Variants in FRMD3 observed in about 807,000 individuals in gnomAD.
The protein encoded by FRMD3 is FERM domain containing 3.
FRMD3 carries 33 observed loss-of-function variants against 70.2 expected under a neutral mutation model. The ratio of observed to expected loss-of-function variants is 0.47; its 90% CI spans 0.36 to 0.63. The LOEUF (loss-of-function observed/expected upper bound fraction) is 0.63. FRMD3 is among the 20% of genes least tolerant of loss of function. The pLI is 0.00. For synonymous variants in FRMD3, 279 were observed against 255.9 expected (o/e 1.09, Z -0.86); for missense variants, 632 against 711.4 (o/e 0.89, Z 1.27).
chr9:83,463,867 G>T (rs1435444957), intron 1 of FRMD3, among the ~76,000 whole-genome samples: 6 of 152,134 alleles, frequency 3.9e-5, no homozygotes, highest in Non-Finnish European at 5.9e-5. Flanking sequence ...CTTCTGCCAG[G>T]CAGGGCAAGG....
chr9:83,373,949 A>G (rs1456145597), intron 2 of FRMD3, among the ~76,000 whole-genome samples: 1 of 152,186 alleles, frequency 6.6e-6, no homozygotes, highest in African/African-American at 2.4e-5. Flanking sequence ...ATATTCTTTG[A>G]TGTAAATGCA....
chr9:83,462,717 T>G (rs1828009633), intron 1 of FRMD3, among the ~76,000 whole-genome samples: 1 of 152,180 alleles, frequency 6.6e-6, no homozygotes, highest in Non-Finnish European at 1.5e-5. Flanking sequence ...AAGGAAGAGC[T>G]GCCATCTTCC....
At chr9:83,436,607 G>T (rs889870085) in intron 1 of FRMD3, among the ~76,000 whole-genome samples, 1 of 151,860 alleles carries the variant, frequency 6.6e-6, no homozygotes, top group East Asian at 1.9e-4. Context: ...AAACATAAAA[G>T]AGTCATTTCT....
intron 1 of FRMD3, among the ~76,000 whole-genome samples, chr9:83,402,580 G>A (rs1825979265): frequency 1.3e-5 from 2 of 151,930 alleles, no homozygotes; most frequent in South Asian, 4.2e-4. Flanking sequence ...CTCATGCAAG[G>A]CTAATAAGAA....
At chr9:83,373,022 A>G in intron 2 of FRMD3, 67 bp from the exon 3 acceptor site, 1 of 1,283,214 alleles carries the variant, frequency 7.8e-7, no homozygotes, top group Non-Finnish European at 1.1e-6. Flanking sequence ...CGAATACCTA[A>G]TAACTAAAAG....
the FRMD3 span, among the ~76,000 whole-genome samples, chr9:83,549,548 T>C: frequency 6.6e-6 from 1 of 152,206 alleles, no homozygotes. Context: ...ATGGTTAAAC[T>C]AATTTACACT....
intron 1 of FRMD3, among the ~76,000 whole-genome samples, chr9:83,407,231 T>C (rs1297068654): frequency 6.6e-6 from 1 of 152,256 alleles, no homozygotes; most frequent in African/African-American, 2.4e-5. Context: ...ATCAAGTTTT[T>C]CATTGTACTT....
At chr9:83,403,411 G>C (rs1011477811) in intron 1 of FRMD3, among the ~76,000 whole-genome samples, 18 of 152,154 alleles carry the variant, frequency 1.2e-4, no homozygotes, top group African/African-American at 4.1e-4. Context: ...GCTTGAAACT[G>C]CTGGGATAAT....
At chr9:83,402,869 C>G (rs1412291123) in intron 1 of FRMD3, among the ~76,000 whole-genome samples, 1 of 150,014 alleles carries the variant, frequency 6.7e-6, no homozygotes, top group Non-Finnish European at 1.5e-5. Context: ...TGAGATTCTA[C>G]AGAGACTCTC....
chr9:83,550,306 T>C, the FRMD3 span, among the ~76,000 whole-genome samples: 1 of 152,206 alleles, frequency 6.6e-6, no homozygotes, highest in Non-Finnish European at 1.5e-5. Context: ...TTGGTCTATG[T>C]CCCTGTTTTT....
At chr9:83,402,727 T>C (rs1825982983) in intron 1 of FRMD3, among the ~76,000 whole-genome samples, 2 of 151,958 alleles carry the variant, frequency 1.3e-5, no homozygotes, top group Admixed American at 6.6e-5. Context: ...AACAGGTCAG[T>C]AGCAAAAATA....
intron 10 of FRMD3, 96 bp downstream of exon 10, chr9:83,309,440 T>C (rs1587707749): frequency 1.5e-6 from 1 of 685,098 alleles, no homozygotes; most frequent in East Asian, 2.8e-5. Flanking sequence ...CTTTTAAAAC[T>C]GTATTAAAAG....
At chr9:83,569,648 A>G in the FRMD3 span, among the ~76,000 whole-genome samples, 1 of 152,280 alleles carries the variant, frequency 6.6e-6, no homozygotes, top group African/African-American at 2.4e-5. Context: ...GAGGCCAGGC[A>G]TAATATCTTC....
intron 1 of FRMD3, among the ~76,000 whole-genome samples, chr9:83,423,700 G>A (rs1163766272): frequency 1.4e-5 from 2 of 143,654 alleles, no homozygotes; most frequent in East Asian, 2.1e-4. Flanking sequence ...AGGTTCAAGC[G>A]ATTCTCCTGC....
rs1208365837 is a variant in FRMD3 at position 83,244,794 on chromosome 9, C to A, written c.*3124G>T. 1 of 985,122 alleles carries A rather than the reference C, an allele frequency of 1.0e-6. No individual in the cohort carries two copies. Among genetic ancestry groups the A allele is most frequent in the Non-Finnish European group, 1.2e-6 (1 of 829,826 alleles). The allele number at this position is 985,122 out of a possible 1,614,324, so 61.0% of individuals were successfully genotyped here. A position where few individuals can be genotyped will look rare whatever the true frequency, so the allele number is the denominator to read the frequency against. Reference sequence around the variant, plus strand: ...ATGAAATAAACTCATTGTGAATTCACCCCGAGTTGTGTTTATAAATATTAG... The same window carrying A: ...ATGAAATAAACTCATTGTGAATTCAACCCGAGTTGTGTTTATAAATATTAG... On this transcript the variant is annotated 3_prime_UTR_variant, in exon 14 of 14. Coordinates refer to ENST00000304195, the MANE Select transcript of FRMD3 (RefSeq NM_174938.6).
chr9:83,265,943 G>A (rs1201687469), intron 13 of FRMD3, among the ~76,000 whole-genome samples: 2 of 152,070 alleles, frequency 1.3e-5, no homozygotes, highest in South Asian at 2.1e-4. Flanking sequence ...GCCAAAAAAC[G>A]AGCCATAACC....
At chr9:83,328,660 G>A (rs10867988) in intron 6 of FRMD3, among the ~76,000 whole-genome samples, 66,823 of 152,048 alleles carry the variant, frequency 0.44, 15,062 homozygotes, top group Admixed American at 0.5. Context: ...TCATAGGGGA[G>A]TGTGGATGAT....
chr9:83,396,429 C>A (rs759810097), intron 1 of FRMD3, among the ~76,000 whole-genome samples: 1 of 152,182 alleles, frequency 6.6e-6, no homozygotes, highest in African/African-American at 2.4e-5. Context: ...TATGCACATG[C>A]GTGTACACAC....
rs1829948835 is a variant in FRMD3 at position 83,538,333 on chromosome 9, G to A, written c.-102C>T. On this transcript the variant is annotated 5_prime_UTR_variant, in exon 1 of 14. Transcript: ENST00000304195. The surrounding 1 kb of genome is among the most constrained non-coding windows in gnomAD (Gnocchi z 4.7). ...CGCACTGTCCGGGACACCTGGGCGC[G>A]GCTCAGCCCCGGGACATCGGCAGCG... The A allele has an allele frequency of 4.4e-6, 5 of 1,147,020 alleles. No individual in the cohort carries two copies. Among genetic ancestry groups the A allele is most frequent in the Non-Finnish European group, 5.6e-6 (5 of 886,548 alleles). 71.1% of individuals were successfully genotyped at this position (1,147,020 alleles called of 1,614,324 possible).
Sources: gnomAD v4.1 joint callset for allele counts (sites outside exome capture counted in the v4.1 genomes callset) on GRCh38, gnomAD v4.1.1 for gene constraint, Gnocchi (gnomAD v3.1) non-coding constraint, MANE v1.5 for transcripts, NCBI Gene and HGNC (gene_info 2026-07-23, HGNC 2026-07-21) for gene names.